The following TNRC6B variants were observed in gnomAD, a reference collection of about 807,000 sequenced individuals.
The protein encoded by TNRC6B is trinucleotide repeat-containing gene 6B protein.
TNRC6B carries 52 observed loss-of-function variants against 203.6 expected under a neutral mutation model. The ratio of observed to expected loss-of-function variants is 0.26; its 90% CI spans 0.20 to 0.32. TNRC6B has a LOEUF of 0.32. Among genes scored for constraint, TNRC6B ranks in the 10% least tolerant of loss-of-function variants. TNRC6B has a pLI of 1.00. For synonymous variants in TNRC6B, 838 were observed against 845.7 expected, an observed-to-expected ratio of 0.99 and a Z score of 0.16; for missense variants, 1,923 against 2,286.2, an observed-to-expected ratio of 0.84 and a Z score of 3.24.
At chr22:40,320,696 G>A (rs567233986) in intron 21 of TNRC6B, among the ~76,000 whole-genome samples, 13 of 152,276 alleles carry the variant, frequency 8.5e-5, no homozygotes, top group African/African-American at 2.9e-4. Context: ...CCTTGAGATG[G>A]GCAAAGTAGG....
At chr22:40,130,397 C>G (rs1426159905) in intron 3 of TNRC6B, among the ~76,000 whole-genome samples, 2 of 152,086 alleles carry the variant, frequency 1.3e-5, no homozygotes, top group African/African-American at 4.8e-5. Context: ...GTGTAGAGTA[C>G]ACAGTTGAAG....
intron 1 of TNRC6B, among the ~76,000 whole-genome samples, chr22:40,201,419 ATTTTCTTTTTCT>A: frequency 6.7e-6 from 1 of 150,190 alleles, no homozygotes. Context: ...TGTTTGGTGC[ATTTTCTTTTTCT>A]TTTTCTTTTT....
chr22:40,095,517 A>T (rs1279793078), intron 1 of TNRC6B, among the ~76,000 whole-genome samples: 1 of 152,078 alleles, frequency 6.6e-6, no homozygotes, highest in East Asian at 1.9e-4. Context: ...CCCTAGCCAA[A>T]TCTGGATTCC....
intron 12 of TNRC6B, among the ~76,000 whole-genome samples, chr22:40,295,128 G>A (rs1161020344): frequency 6.6e-6 from 1 of 152,168 alleles, no homozygotes; most frequent in African/African-American, 2.4e-5. Context: ...GAGCTGATGA[G>A]CCTAGTACAG....
At chr22:40,310,252 A>T (rs1601513245) in intron 16 of TNRC6B, among the ~76,000 whole-genome samples, 1 of 152,182 alleles carries the variant, frequency 6.6e-6, no homozygotes. Flanking sequence ...GTGCTGGCAA[A>T]GACCCTAGGC....
chr22:40,076,572 GTTTC>G (rs2068015639), intron 1 of TNRC6B, among the ~76,000 whole-genome samples: 1 of 151,956 alleles, frequency 6.6e-6, no homozygotes, highest in Non-Finnish European at 1.5e-5. Flanking sequence ...ATCTTGTATT[GTTTC>G]TTTCTTTTGT....
In TNRC6B at chr22:40,270,165, C is replaced by A; in HGVS notation, c.2850C>A (p.Ser950=). The A allele has an allele frequency of 6.3e-7, 1 of 1,584,650 alleles. No individual in the cohort carries two copies. Among genetic ancestry groups the A allele is most frequent in the East Asian group, 2.3e-5 (1 of 43,778 alleles). ...CACCTGCTCCAGATAATGGTACTTC[C>A]GCTTGGGGTGAGCCAAATGAAAGCA... ...STPPAPDNGT[S]AWGEPNESSP... The change falls in exon 6 of 23, where the codon TCC becomes TCA. Residue 950 remains serine (S), a synonymous_variant. Transcript: ENST00000454349.
At chr22:40,061,855 T>A (rs1050547155) in intron 1 of TNRC6B, among the ~76,000 whole-genome samples, 4 of 151,974 alleles carry the variant, frequency 2.6e-5, no homozygotes, top group African/African-American at 9.7e-5. Flanking sequence ...GGGTGGATCA[T>A]CTGACGTCAG....
chr22:40,188,286 A>C (rs1392535668), intron 1 of TNRC6B, among the ~76,000 whole-genome samples: 1 of 152,160 alleles, frequency 6.6e-6, no homozygotes. Flanking sequence ...GGAGAGAGTA[A>C]GTGCTGGTTT....
At chr22:40,169,599 C>T (rs536653046) in intron 4 of TNRC6B, among the ~76,000 whole-genome samples, 1 of 152,220 alleles carries the variant, frequency 6.6e-6, no homozygotes, top group African/African-American at 2.4e-5. Context: ...CTCTAGCCAC[C>T]CTCTCTCACT....
intron 1 of TNRC6B, chr22:40,045,589 G>A (rs1324280305): frequency 6.6e-6 from 1 of 152,284 alleles, no homozygotes; most frequent in Non-Finnish European, 1.5e-5. Context: ...GCGTGACAAG[G>A]TGAATGCGTT....
intron 1 of TNRC6B, among the ~76,000 whole-genome samples, chr22:40,084,164 T>G (rs1202330262): frequency 6.6e-6 from 1 of 152,140 alleles, no homozygotes; most frequent in African/African-American, 2.4e-5. Context: ...TTATAATGAT[T>G]AACTATGTAA....
intron 1 of TNRC6B, among the ~76,000 whole-genome samples, chr22:40,100,754 A>G (rs1449164430): frequency 6.6e-6 from 1 of 152,154 alleles, no homozygotes; most frequent in African/African-American, 2.4e-5. Flanking sequence ...TCTGGAACCA[A>G]TCTCCCAAGG....
chr22:40,090,422 G>A (rs530546290), intron 1 of TNRC6B, among the ~76,000 whole-genome samples: 1 of 149,836 alleles, frequency 6.7e-6, no homozygotes, highest in African/African-American at 2.5e-5. Flanking sequence ...TTTTAAATTT[G>A]TAGTTCCCTA....
chr22:40,236,902 T>G (rs1056836422), intron 1 of TNRC6B, among the ~76,000 whole-genome samples: 17 of 152,206 alleles, frequency 1.1e-4, no homozygotes, highest in African/African-American at 3.9e-4. Context: ...TGGTGGCTCA[T>G]ACCTATAATC....
At chr22:40,210,340 C>G (rs2069545078) in intron 1 of TNRC6B, among the ~76,000 whole-genome samples, 1 of 152,220 alleles carries the variant, frequency 6.6e-6, no homozygotes, top group Admixed American at 6.5e-5. Flanking sequence ...ACAGATGATG[C>G]TCATCCTAAC....
intron 1 of TNRC6B, among the ~76,000 whole-genome samples, chr22:40,223,508 AC>A (rs1281558958): frequency 1.3e-5 from 2 of 152,126 alleles, no homozygotes; most frequent in Non-Finnish European, 2.9e-5. Context: ...CCCTTTTCTT[AC>A]GTACATGATA....
intron 21 of TNRC6B, among the ~76,000 whole-genome samples, chr22:40,319,417 CTTTTCT>C (rs959126595): frequency 1.6e-4 from 18 of 115,334 alleles, no homozygotes; most frequent in East Asian, 2.7e-4. Flanking sequence ...TATAACTTTT[CTTTTCT>C]TTTTTTTTTT....
intron 1 of TNRC6B, among the ~76,000 whole-genome samples, chr22:40,199,038 A>G (rs1374293204): frequency 6.6e-6 from 1 of 152,110 alleles, no homozygotes; most frequent in African/African-American, 2.4e-5. Context: ...GTTAGAAAGC[A>G]AAGAAGTCTT....
Sources: gnomAD v4.1 joint callset for allele counts (sites outside exome capture counted in the v4.1 genomes callset) on GRCh38, gnomAD v4.1.1 for gene constraint, MANE v1.5 for transcripts, NCBI Gene and HGNC (gene_info 2026-07-23, HGNC 2026-07-21) for gene names.